Variants in UGT1A6 observed in about 807,000 individuals in gnomAD.
UGT1A6 encodes UDP glucuronosyltransferase family 1 member A6, also known as UDP-glucuronosyltransferase 1A6.
A neutral mutation model predicts 44.4 loss-of-function variants in UGT1A6; 32 were observed. That is an observed-to-expected ratio of 0.72 (90% CI 0.54 to 0.97). The LOEUF (loss-of-function observed/expected upper bound fraction) is 0.97. Among genes scored for constraint, UGT1A6 ranks in the 50% least tolerant of loss-of-function variants. The pLI is 0.00. For synonymous variants in UGT1A6, 238 were observed against 248.5 expected (o/e 0.96, Z 0.40); for missense variants, 685 against 661.9 (o/e 1.03, Z -0.38).
chr2:233,767,701 T>A, intron 2 of UGT1A6, 148 bp from the exon 3 acceptor site: 2 of 1,506,270 alleles, frequency 1.3e-6, no homozygotes, highest in Admixed American at 2.1e-5. Flanking sequence ...AAGTTGCCAG[T>A]CCTCAGAAGC....
At chr2:233,715,302 T>C (rs1054337929) in intron 1 of UGT1A6, among the ~76,000 whole-genome samples, 14 of 152,238 alleles carry the variant, frequency 9.2e-5, no homozygotes, top group African/African-American at 2.7e-4. Context: ...GGCTCTTGAA[T>C]AGGTTTTGCT....
At chr2:233,700,140 C>T (rs372188169) in intron 1 of UGT1A6, among the ~76,000 whole-genome samples, 9 of 152,174 alleles carry the variant, frequency 5.9e-5, no homozygotes, top group African/African-American at 2.2e-4. Flanking sequence ...AGCTGTTTGT[C>T]TCCCTATAGG....
At chr2:233,736,939 G>A (rs2078828567) in intron 1 of UGT1A6, among the ~76,000 whole-genome samples, 1 of 152,164 alleles carries the variant, frequency 6.6e-6, no homozygotes. Context: ...CCACCTATAT[G>A]AGGTGTCTGT....
chr2:233,762,263 T>A (rs1459310284), intron 1 of UGT1A6, among the ~76,000 whole-genome samples: 1 of 152,194 alleles, frequency 6.6e-6, no homozygotes, highest in Non-Finnish European at 1.5e-5. Context: ...CGAATATGTG[T>A]TACATTAATG....
chr2:233,770,590 G>A (rs1203955957), intron 4 of UGT1A6: 2 of 151,878 alleles, frequency 1.3e-5, no homozygotes, highest in Non-Finnish European at 2.9e-5. Flanking sequence ...CCTGAGAGGC[G>A]GAGGTTGCAG....
chr2:233,767,983 AG>A (rs1699537799), intron 3 of UGT1A6, 47 bp downstream of exon 3: 1 of 1,614,082 alleles, frequency 6.2e-7, no homozygotes, highest in African/African-American at 1.3e-5. Context: ...GGTCAAATTA[AG>A]AAAATGGCTT....
chr2:233,757,985 C>T (rs925292779), intron 1 of UGT1A6, among the ~76,000 whole-genome samples: 4 of 152,150 alleles, frequency 2.6e-5, no homozygotes, highest in African/African-American at 7.2e-5. Context: ...AGAGCACCAT[C>T]CCCTGTAATT....
chr2:233,765,615 G>A (rs958268372), intron 1 of UGT1A6, among the ~76,000 whole-genome samples: 44 of 151,894 alleles, frequency 2.9e-4, no homozygotes, highest in African/African-American at 1.0e-3. Flanking sequence ...GCGGGGTGAG[G>A]GGTGAGGGGA....
chr2:233,700,901 T>A (rs940046248), intron 1 of UGT1A6, among the ~76,000 whole-genome samples: 32 of 151,466 alleles, frequency 2.1e-4, no homozygotes, highest in Admixed American at 2.1e-3. Context: ...GTCCCCGGTG[T>A]GTGACGTTCC....
chr2:233,724,904 G>C (rs1208234337), intron 1 of UGT1A6, among the ~76,000 whole-genome samples: 2 of 139,120 alleles, frequency 1.4e-5, no homozygotes. Context: ...TCCAGCCTGG[G>C]CACCATTGAG....
At position 233,729,391 on chromosome 2, in the gene UGT1A6, T is replaced by C. The variant is rs1264943751; in HGVS notation, c.861+35526T>C. On this transcript the variant is annotated intron_variant, in intron 1 of 4. Transcript: ENST00000305139. ...TGCCATTTCGTGGACCCAGGATGAA[T>C]TTGATCGCCATGTGCTGGGCCACAC... 6.2e-7 allele frequency: 1 copy of C among 1,613,898 alleles called. No individual in the cohort carries two copies. Among genetic ancestry groups the C allele is most frequent in the Non-Finnish European group, 8.5e-7 (1 of 1,179,836 alleles).
At chr2:233,732,782 G>A (rs1439304470) in intron 1 of UGT1A6, among the ~76,000 whole-genome samples, 1 of 126,430 alleles carries the variant, frequency 7.9e-6, no homozygotes, top group East Asian at 2.4e-4. Context: ...GCTTAGGATT[G>A]TCTTGGCAAT....
chr2:233,716,754 G>C (rs998175744), intron 1 of UGT1A6, among the ~76,000 whole-genome samples: 2 of 152,170 alleles, frequency 1.3e-5, no homozygotes, highest in Non-Finnish European at 2.9e-5. Flanking sequence ...TGGGAGAGGG[G>C]AGCTAGATCA....
chr2:233,744,110 C>T, intron 1 of UGT1A6: 1 of 393,860 alleles, frequency 2.5e-6, no homozygotes, highest in Non-Finnish European at 4.6e-6. Flanking sequence ...ACTGGCCCTG[C>T]TCTCTGTGAG....
At chr2:233,718,922 G>A (rs1204171284) in intron 1 of UGT1A6, 3 of 1,614,120 alleles carry the variant, frequency 1.9e-6, no homozygotes, top group Non-Finnish European at 2.5e-6. Context: ...TGTTGGTGGT[G>A]CCCACTGATG....
At chr2:233,736,661 C>T (rs568296788) in intron 1 of UGT1A6, among the ~76,000 whole-genome samples, 1 of 152,264 alleles carries the variant, frequency 6.6e-6, no homozygotes, top group Admixed American at 6.5e-5. Flanking sequence ...GTTTTATGTA[C>T]CTTAGGTCTT....
At chr2:233,728,849 G>A (rs1362831575) in intron 1 of UGT1A6, among the ~76,000 whole-genome samples, 2 of 152,182 alleles carry the variant, frequency 1.3e-5, no homozygotes, top group East Asian at 3.8e-4. Context: ...TTGGGAATTG[G>A]ATGAGAAACA....
At chr2:233,762,807 C>T (rs1458193268) in intron 1 of UGT1A6, among the ~76,000 whole-genome samples, 1 of 151,450 alleles carries the variant, frequency 6.6e-6, no homozygotes, top group Non-Finnish European at 1.5e-5. Context: ...GCTATCTCAT[C>T]AAAATATTGA....
At chr2:233,770,024 C>A (rs1031341974) in intron 4 of UGT1A6, 31 of 161,058 alleles carry the variant, frequency 1.9e-4, no homozygotes, top group Non-Finnish European at 2.6e-4. Context: ...TCTTTCCCTG[C>A]ACTGTTGAAG....
Sources: gnomAD v4.1 joint callset for allele counts (sites outside exome capture counted in the v4.1 genomes callset) on GRCh38, gnomAD v4.1.1 for gene constraint, MANE v1.5 for transcripts, NCBI Gene and HGNC (gene_info 2026-07-23, HGNC 2026-07-21) for gene names.